FAT3: variants seen among roughly 807,000 people sequenced by gnomAD.
The protein encoded by FAT3 is FAT atypical cadherin 3.
Under a neutral mutation model 310.2 loss-of-function variants are expected in FAT3, and 95 were observed. The ratio of observed to expected loss-of-function variants is 0.31; its 90% CI spans 0.26 to 0.36. The LOEUF (loss-of-function observed/expected upper bound fraction) is 0.36, where lower values mean the gene tolerates loss of function less well. FAT3 is among the 10% of genes least tolerant of loss of function. The probability of loss-of-function intolerance (pLI) is 1.00; values close to 1 mark genes in which losing one functional copy is unlikely to be tolerated. For synonymous variants in FAT3, 2,314 were observed against 2,192.9 expected (o/e 1.06, Z -1.54); for missense variants, 5,408 against 5,715.6 (o/e 0.95, Z 1.74).
At chr11:92,664,114 G>T (rs1186298084) in intron 3 of FAT3, among the ~76,000 whole-genome samples, 2 of 152,040 alleles carry the variant, frequency 1.3e-5, no homozygotes, top group African/African-American at 4.8e-5. Context: ...CAAAATACAT[G>T]TTCAGCATGG....
At chr11:92,782,421 A>T (rs1946776212) in intron 7 of FAT3, among the ~76,000 whole-genome samples, 2 of 151,800 alleles carry the variant, frequency 1.3e-5, no homozygotes. Flanking sequence ...TACAAAAAAT[A>T]AAAAAAACCA....
intron 1 of FAT3, among the ~76,000 whole-genome samples, chr11:92,302,777 T>C (rs529491748): frequency 1.3e-5 from 2 of 152,264 alleles, no homozygotes; most frequent in East Asian, 3.9e-4. Context: ...GTTGATTAAT[T>C]TTCTGGTAGT....
chr11:92,785,758 A>C (rs1008165456), intron 7 of FAT3, among the ~76,000 whole-genome samples: 2 of 152,176 alleles, frequency 1.3e-5, no homozygotes, highest in Non-Finnish European at 2.9e-5. Context: ...ATTAGAAAGA[A>C]GTCAGTTTTC....
intron 3 of FAT3, among the ~76,000 whole-genome samples, chr11:92,584,625 G>A (rs1046746107): frequency 1.6e-5 from 1 of 64,126 alleles, no homozygotes; most frequent in Admixed American, 2.0e-4. Context: ...ATATAAAATG[G>A]AGGTTGAAAC....
chr11:92,431,643 A>G (rs1213884845), intron 2 of FAT3, among the ~76,000 whole-genome samples: 1 of 152,110 alleles, frequency 6.6e-6, no homozygotes, highest in South Asian at 2.1e-4. Context: ...TTATGGTTTT[A>G]GGTCTAACAT....
chr11:92,263,643 A>G lies in FAT3; in HGVS notation c.-18+38469A>G, dbSNP rs569781086. Among the ~76,000 whole-genome samples the G allele has an allele frequency of 6.3e-3, 911 of 144,324 alleles. 18 individuals are homozygous for G. Among genetic ancestry groups the G allele is most frequent in the African/African-American group, 0.024 (868 of 36,812 alleles). The allele number at this position is 144,324 out of a possible 152,430, so 94.7% of individuals were successfully genotyped here. A position where few individuals can be genotyped will look rare whatever the true frequency, so the allele number is the denominator to read the frequency against. ...AGTGTGTGTGTGTGTGTGTGTATAT[A>G]TATATATATATAGAGAGAGATGCAT... On this transcript the variant is annotated intron_variant, in intron 1 of 27. Transcript: ENST00000525166.
At chr11:92,840,026 T>G (rs3847538) in intron 17 of FAT3, among the ~76,000 whole-genome samples, 126,910 of 152,188 alleles carry the variant, frequency 0.83, 53,212 homozygotes, top group African/African-American at 0.91. Context: ...TCTAGAGAAT[T>G]AGGTAAGGTA....
chr11:92,583,818 G>A (rs7950462), intron 3 of FAT3, among the ~76,000 whole-genome samples: 9,073 of 151,950 alleles, frequency 0.06, 915 homozygotes, highest in African/African-American at 0.21. Context: ...AAAGATTTTA[G>A]GGATGAGGGT....
rs193161232 is a variant in FAT3 at position 92,679,351 on chromosome 11, T to G, written c.3608-18033T>G. Among the ~76,000 whole-genome samples, 727 of 152,216 alleles carry G rather than the reference T, an allele frequency of 4.8e-3. 8 individuals are homozygous for G. Among genetic ancestry groups the G allele is most frequent in the Non-Finnish European group, 7.5e-3 (513 of 68,022 alleles). ...ATTGCTAGATCAAATAGTAGTTCTA[T>G]TTTTAGGTATTTGAGAATTCCCCAT... On this transcript the variant is annotated intron_variant, in intron 3 of 27. Transcript: ENST00000525166.
rs184285098 is a variant in FAT3, at chr11:92,255,858, C to T, written c.-18+30684C>T. ...ATGTCATTCATATTTCACACTGTTG[C>T]GAATAGGTAACAGGGCCTTTGTTAT... On this transcript the variant is annotated intron_variant, in intron 1 of 27. Coordinates refer to ENST00000525166, the MANE Select transcript of FAT3 (RefSeq NM_001367949.2). Among the ~76,000 whole-genome samples the T allele has an allele frequency of 7.9e-5, 12 of 152,168 alleles. 1 individual carries two copies. The highest frequency in any genetic ancestry group is 1.2e-4 in the African/African-American group (5 of 41,526).
At chr11:92,700,050 G>A (rs1377821037) in intron 4 of FAT3, among the ~76,000 whole-genome samples, 1 of 152,194 alleles carries the variant, frequency 6.6e-6, no homozygotes, top group Admixed American at 6.5e-5. Flanking sequence ...TGAGCAGGAA[G>A]GATGGGGAAG....
intron 1 of FAT3, among the ~76,000 whole-genome samples, chr11:92,254,452 T>C (rs2134285896): frequency 6.6e-6 from 1 of 152,270 alleles, no homozygotes; most frequent in South Asian, 2.1e-4. Flanking sequence ...TTCAAACAGT[T>C]TAAGATCCTG....
chr11:92,375,366 C>G (rs888064349), intron 2 of FAT3, among the ~76,000 whole-genome samples: 6 of 152,102 alleles, frequency 3.9e-5, no homozygotes, highest in Admixed American at 2.0e-4. Flanking sequence ...GTCGTGAACT[C>G]CTAGGCTCAA....
At chr11:92,713,946 TG>T (rs1189359438) in intron 4 of FAT3, among the ~76,000 whole-genome samples, 1 of 152,208 alleles carries the variant, frequency 6.6e-6, no homozygotes, top group Admixed American at 6.5e-5. Context: ...CATTCATAAA[TG>T]GTAACTGTAG....
chr11:92,313,661 G>A (rs1439646653), intron 1 of FAT3, among the ~76,000 whole-genome samples: 4 of 152,178 alleles, frequency 2.6e-5, no homozygotes, highest in Admixed American at 6.5e-5. Context: ...CTGGGTTCAA[G>A]CAGTTCTCCT....
chr11:92,553,106 C>T (rs1416908261), intron 3 of FAT3, among the ~76,000 whole-genome samples: 2 of 152,012 alleles, frequency 1.3e-5, no homozygotes, highest in African/African-American at 4.8e-5. Flanking sequence ...CATTCCTAAG[C>T]CAAAAAAACA....
rs1051361659 is a variant in FAT3, at chr11:92,589,261, A to C, written c.3607+64313A>C. ...TGAAGTAGCCATACCCATTTGTAAA[A>C]AAAGGCTGGAAAATGTGTGTGGTTT... is the stretch of plus-strand genomic sequence containing the variant. On this transcript the variant is annotated intron_variant, in intron 3 of 27. Transcript: ENST00000525166. Among the ~76,000 whole-genome samples, 9 of 152,092 alleles carry C rather than the reference A, an allele frequency of 5.9e-5. 1 individual carries two copies. Among genetic ancestry groups the C allele is most frequent in the Admixed American group, 5.2e-4 (8 of 15,252 alleles).
At chr11:92,480,081 C>T (rs371613627) in intron 2 of FAT3, among the ~76,000 whole-genome samples, 1 of 152,102 alleles carries the variant, frequency 6.6e-6, no homozygotes. Context: ...CTGGCTAACA[C>T]GGTGAAACCC....
intron 7 of FAT3, among the ~76,000 whole-genome samples, chr11:92,779,786 G>T (rs768093269): frequency 6.6e-6 from 1 of 152,092 alleles, no homozygotes; most frequent in South Asian, 2.1e-4. Context: ...AGGCCCAGTC[G>T]AATCACATGA....
Sources: allele counts gnomAD v4.1 joint callset (sites outside exome capture counted in the v4.1 genomes callset), GRCh38; gene constraint gnomAD v4.1.1; transcripts MANE v1.5; gene names NCBI Gene and HGNC (gene_info 2026-07-23, HGNC 2026-07-21).